The following MKNK2 variants were observed in gnomAD, a reference collection of about 807,000 sequenced individuals.
MKNK2 encodes the protein MAP kinase-interacting serine/threonine-protein kinase 2.
Under a neutral mutation model 55.0 loss-of-function variants are expected in MKNK2, and 54 were observed. The ratio of observed to expected loss-of-function variants is 0.98; its 90% CI spans 0.79 to 1.23. The LOEUF is 1.23. Among genes scored for constraint, MKNK2 ranks in the 50% most tolerant of loss-of-function variants. The probability of loss-of-function intolerance (pLI) is 0.00; values close to 1 mark genes in which losing one functional copy is unlikely to be tolerated. For synonymous variants in MKNK2, 323 were observed against 256.0 expected (o/e 1.26, Z -2.50); for missense variants, 685 against 632.1 (o/e 1.08, Z -0.90).
At position 2,050,843 on chromosome 19, in the gene MKNK2, C is replaced by T; in HGVS notation, c.9G>A (p.Gln3=). ...AACCCTGAAGTTCGGCTGGTTTCTT[C>T]TGCACCATCTTCTGTCCGGGCCCCG... The part of the protein sequence containing the change: MV[Q]KKPAELQGFH... Residue 3 remains glutamine, a synonymous_variant, in exon 2 of 14, where the codon CAG becomes CAA. Transcript: ENST00000250896. 2.0e-6 allele frequency: 3 copies of T among 1,533,386 alleles called. No homozygotes were observed. Among genetic ancestry groups the T allele is most frequent in the Non-Finnish European group, 2.6e-6 (3 of 1,140,168 alleles). The allele number at this position is 1,533,386 out of a possible 1,614,324, so 95.0% of individuals were successfully genotyped here.
chr19:2,050,654 G>T, intron 2 of MKNK2, 147 bp downstream of exon 2: 1 of 681,830 alleles, frequency 1.5e-6, no homozygotes, highest in Non-Finnish European at 2.3e-6. Flanking sequence ...CCGCTTCAGC[G>T]CACGGCCGGC....
chr19:2,037,651 T>G lies in MKNK2; in HGVS notation c.*1962A>C. 2 of 947,630 alleles carry G rather than the reference T, an allele frequency of 2.1e-6. No individual in the cohort carries two copies. Among genetic ancestry groups the G allele is most frequent in the Non-Finnish European group, 2.9e-6 (2 of 697,174 alleles). 58.7% of individuals were successfully genotyped at this position (947,630 alleles called of 1,614,324 possible). The stretch of plus-strand genomic sequence containing the variant: ...TTGAGGTTTTTTTTTTTTTTTTGTC[T>G]TTTAAAAACATCGTAACATTAACAC... On this transcript the variant is annotated 3_prime_UTR_variant, in exon 14 of 14. Coordinates refer to ENST00000250896, the MANE Select transcript of MKNK2 (RefSeq NM_199054.3).
Position 2,041,021 on chromosome 19 carries a change from C to G in MKNK2, c.1110+19G>C. 1 of 1,613,234 alleles carries G rather than the reference C, an allele frequency of 6.2e-7. No individual in the cohort carries two copies. The highest frequency in any genetic ancestry group is 8.5e-7 in the Non-Finnish European group (1 of 1,179,604). ...AGCGCCCCCATACCCCTCCTGCCGC[C>G]CGTGCGGCTGGTACTCACCCCCTGA... On this transcript the variant is annotated intron_variant, in intron 12 of 13. Transcript: ENST00000250896.
Position 2,037,581 on chromosome 19 carries a change from G to T in MKNK2, c.*2032C>A. The T allele has an allele frequency of 4.0e-6, 2 of 497,906 alleles. No individual in the cohort carries two copies. Among genetic ancestry groups the T allele is most frequent in the Non-Finnish European group, 6.7e-6 (2 of 297,354 alleles). The allele number at this position is 497,906 out of a possible 1,614,324, so 30.8% of individuals were successfully genotyped here. A position where few individuals can be genotyped will look rare whatever the true frequency, so the allele number is the denominator to read the frequency against. On this transcript the variant is annotated 3_prime_UTR_variant, in exon 14 of 14. Coordinates refer to ENST00000250896, the MANE Select transcript of MKNK2 (RefSeq NM_199054.3). ...GCTCCGTCAGTTCACCTGGTACATT[G>T]GAATTAAAGTGCTTGGATGTTTTTC...
intron 2 of MKNK2, among the ~76,000 whole-genome samples, chr19:2,047,643 C>T (rs189204249): frequency 8.9e-4 from 135 of 152,214 alleles, no homozygotes; most frequent in Admixed American, 5.0e-3. Flanking sequence ...TGCTTTCCCA[C>T]GGCCTCCTGG....
intron 12 of MKNK2, 98 bp downstream of exon 12, chr19:2,040,942 G>T: frequency 8.4e-7 from 1 of 1,188,260 alleles, no homozygotes; most frequent in Non-Finnish European, 1.2e-6. Context: ...TGCATCTCAG[G>T]GTGTCCAGGC....
rs754805029 is a variant in MKNK2, at chr19:2,038,629, G to GGACGGAGCT, written c.*975_*983dup. On this transcript the variant is annotated 3_prime_UTR_variant, in exon 14 of 14. Transcript: ENST00000250896. ...GGTCTGGGCTCAGCTCTAAGGACAAGGACGGAGCTGACGGAGCTTCCAGGT... is the reference window on the plus strand; with the variant it reads ...GGTCTGGGCTCAGCTCTAAGGACAAGGACGGAGCTGACGGAGCTGACGGAGCTTCCAGGT... 1.4e-3 allele frequency: 1,362 copies of GGACGGAGCT among 985,436 alleles called. 1 individual carries two copies. Among genetic ancestry groups the GGACGGAGCT allele is most frequent in the Non-Finnish European group, 1.6e-3 (1,309 of 829,968 alleles). The allele number at this position is 985,436 out of a possible 1,614,324, so 61.0% of individuals were successfully genotyped here. A position where few individuals can be genotyped will look rare whatever the true frequency, so the allele number is the denominator to read the frequency against.
chr19:2,038,478 G>A lies in MKNK2; in HGVS notation c.*1135C>T, dbSNP rs988743733. On this transcript the variant is annotated 3_prime_UTR_variant, in exon 14 of 14. Transcript: ENST00000250896. Reference sequence around the variant, plus strand: ...AGCCCCCGGGGGTTGGAGCATGGAGGGTGGGGGGACTGAGCAGACCCCCGC... The same window carrying A: ...AGCCCCCGGGGGTTGGAGCATGGAGAGTGGGGGGACTGAGCAGACCCCCGC... The A allele has an allele frequency of 2.1e-5, 21 of 985,512 alleles. No homozygotes were observed. The highest frequency in any genetic ancestry group is 3.5e-5 in the African/African-American group (2 of 57,182). 61.0% of individuals were successfully genotyped at this position (985,512 alleles called of 1,614,324 possible).
At position 2,046,422 on chromosome 19, in the gene MKNK2, C is replaced by T. The variant is rs1281707922; in HGVS notation, c.186G>A (p.Arg62=). 1.2e-6 allele frequency: 2 copies of T among 1,609,632 alleles called. No individual in the cohort carries two copies. The highest frequency in any genetic ancestry group is 2.2e-5 in the East Asian group (1 of 44,860). ...QPIDIPDAKK[R]GKKKKRGRAT... The stretch of plus-strand genomic sequence containing the variant: ...CCCGGCCGCGCTTCTTCTTCTTGCC[C>T]CTCTTCTTGGCGTCCGGGATGTCAA... The change falls in exon 4 of 14, where the codon AGG becomes AGA. Residue 62 remains arginine, a synonymous_variant. Transcript: ENST00000250896.
At position 2,046,634 on chromosome 19, in the gene MKNK2, CAG is replaced by C. The variant is rs1455862318; in HGVS notation, c.107_108del (p.Ser36Ter). The C allele has an allele frequency of 3.2e-6, 5 of 1,568,536 alleles. No homozygotes were observed. Among genetic ancestry groups the C allele is most frequent in the Admixed American group, 3.9e-5 (2 of 51,382 alleles). On this transcript the variant is annotated frameshift_variant, in exon 3 of 14. Transcript: ENST00000250896. LOFTEE classifies it high-confidence loss of function. Reference sequence around the variant, plus strand: ...CGGGCTGAGCACTGCAGGCCAAAGTCAGAGTCTCCGTGGTCGGGCTGGTCTAG... The same window carrying C: ...CGGGCTGAGCACTGCAGGCCAAAGTCAGTCTCCGTGGTCGGGCTGGTCTAG... ...FSLDQPDHGDSDFGLQCSARP... is the reference protein window; with the variant it reads ...FSLDQPDHGDXDFGLQCSARP...
chr19:2,045,769 C>T (rs2016983230), intron 5 of MKNK2, among the ~76,000 whole-genome samples: 1 of 152,240 alleles, frequency 6.6e-6, no homozygotes, highest in South Asian at 2.1e-4. Flanking sequence ...AGGGCTCCTG[C>T]TCCCAGCCCT....
In MKNK2 at chr19:2,050,908, A is replaced by AGGGC. The variant is rs959464004; in HGVS notation, c.-61_-58dup. 2.4e-4 allele frequency: 331 copies of AGGGC among 1,368,284 alleles called. 10 individuals carry two copies. In the South Asian group the frequency reaches 3.7e-3, roughly 15 times the overall value. The allele number at this position is 1,368,284 out of a possible 1,614,324, so 84.8% of individuals were successfully genotyped here. On this transcript the variant is annotated 5_prime_UTR_variant, in exon 2 of 14. Transcript: ENST00000250896. ...GACCGAGGGCCCGGGGGGAGGCCCG[A>AGGGC]GGGCGGGCGGCCGGGCGGGGGGCGG...
rs762758006 is a variant in MKNK2 at position 2,039,704 on chromosome 19, A to C, written c.1307T>G (p.Leu436Arg). Residue 436 changes from leucine to arginine, a missense_variant, in exon 14 of 14, where the codon CTG becomes CGG. Physicochemically the swap from Leu to Arg is moderately radical, Grantham distance 102. Coordinates refer to ENST00000250896, the MANE Select transcript of MKNK2 (RefSeq NM_199054.3). ...LVRATSRCLQ[L>R]SPPSQSKLAQ... ...CAGCTTGGACTGGGAGGGTGGAGAC[A>C]GCTGCAGGCAGCGTGAGGTAGCTCG... 1 of 1,612,666 alleles carries C rather than the reference A, an allele frequency of 6.2e-7. No homozygotes were observed. The highest frequency in any genetic ancestry group is 1.7e-5 in the Admixed American group (1 of 60,026).
In MKNK2 at chr19:2,039,576, G is replaced by A. The variant is rs932840593; in HGVS notation, c.*37C>T. On this transcript the variant is annotated 3_prime_UTR_variant, in exon 14 of 14. Coordinates refer to ENST00000250896, the MANE Select transcript of MKNK2 (RefSeq NM_199054.3). ...TAAAAAACCTTTAGATTTGATTGGG[G>A]GACGGGTGACCTATGTACAGAGGGG... The A allele has an allele frequency of 6.3e-7, 1 of 1,575,358 alleles. No homozygotes were observed. The highest frequency in any genetic ancestry group is 1.3e-5 in the African/African-American group (1 of 74,416).
At position 2,039,308 on chromosome 19, in the gene MKNK2, A is replaced by G; in HGVS notation, c.*305T>C. 1 of 1,250,920 alleles carries G rather than the reference A, an allele frequency of 8.0e-7. No individual in the cohort carries two copies. The highest frequency in any genetic ancestry group is 2.5e-5 in the South Asian group (1 of 40,504). The allele number at this position is 1,250,920 out of a possible 1,614,324, so 77.5% of individuals were successfully genotyped here. A position where few individuals can be genotyped will look rare whatever the true frequency, so the allele number is the denominator to read the frequency against. ...GGTGACCTGGGGGCACCTTCATAGT[A>G]GAGGTGAGCAGGGCGGGGGACCGGG... On this transcript the variant is annotated 3_prime_UTR_variant, in exon 14 of 14. Transcript: ENST00000250896.
intron 5 of MKNK2, among the ~76,000 whole-genome samples, chr19:2,044,708 T>G (rs2016961781): frequency 1.3e-5 from 2 of 152,242 alleles, no homozygotes; most frequent in African/African-American, 4.8e-5. Context: ...AGAGAACAAC[T>G]GGACGCCAGG....
chr19:2,041,820 G>C lies in MKNK2; in HGVS notation c.945+20C>G, dbSNP rs1292610465. 6.7e-7 allele frequency: 1 copy of C among 1,496,730 alleles called. No homozygotes were observed. Among genetic ancestry groups the C allele is most frequent in the Non-Finnish European group, 8.9e-7 (1 of 1,123,394 alleles). The allele number at this position is 1,496,730 out of a possible 1,614,324, so 92.7% of individuals were successfully genotyped here. ...GGGGAGGAGGGTGCCCAGGAGAGGAGGGTGCGCGGGCCGCCGCACCTGGCA... is the reference window on the plus strand; with the variant it reads ...GGGGAGGAGGGTGCCCAGGAGAGGACGGTGCGCGGGCCGCCGCACCTGGCA... On this transcript the variant is annotated intron_variant, in intron 11 of 13. Coordinates refer to ENST00000250896, the MANE Select transcript of MKNK2 (RefSeq NM_199054.3).
intron 10 of MKNK2, 179 bp from the exon 11 acceptor site, chr19:2,042,213 C>A: frequency 1.4e-6 from 1 of 727,676 alleles, no homozygotes; most frequent in South Asian, 2.0e-5. Flanking sequence ...CTCGCCCCTC[C>A]CCCGCCGCGG....
intron 12 of MKNK2, 27 bp downstream of exon 12, chr19:2,041,013 C>T (rs2016867092): frequency 1.2e-6 from 2 of 1,612,528 alleles, no homozygotes; most frequent in Non-Finnish European, 1.7e-6. Flanking sequence ...CCATACCCCT[C>T]CTGCCGCCCG....
Sources: allele counts gnomAD v4.1 joint callset (sites outside exome capture counted in the v4.1 genomes callset), GRCh38; gene constraint gnomAD v4.1.1; transcripts MANE v1.5; gene names NCBI Gene and HGNC (gene_info 2026-07-23, HGNC 2026-07-21).